The following ZNF430 variants were observed in gnomAD, a reference collection of about 807,000 sequenced individuals.
The protein encoded by ZNF430 is zinc finger protein 430.
Under a neutral mutation model 56.7 loss-of-function variants are expected in ZNF430, and 35 were observed. That is an observed-to-expected ratio of 0.62 (90% CI 0.47 to 0.82). The LOEUF is 0.82. Among genes scored for constraint, ZNF430 ranks in the 40% least tolerant of loss-of-function variants. The pLI is 0.00. For missense variants in ZNF430, 574 were observed against 661.0 expected (o/e 0.87, Z 1.44); for synonymous variants, 212 against 224.3 (o/e 0.94, Z 0.49).
At chr19:21,022,681 C>G (rs1967717463) in intron 1 of ZNF430, 108 bp from the exon 2 acceptor site, 1 of 840,728 alleles carries the variant, frequency 1.2e-6, no homozygotes, top group African/African-American at 1.7e-5. Flanking sequence ...CAGTTTTTTT[C>G]TGGTCCTGGG....
At chr19:21,042,013 A>G (rs966588188) in intron 4 of ZNF430, among the ~76,000 whole-genome samples, 11 of 152,206 alleles carry the variant, frequency 7.2e-5, no homozygotes, top group Non-Finnish European at 1.5e-4. Flanking sequence ...TGCCCAGCCC[A>G]TGTGTTCTTA....
chr19:21,051,905 A>G (rs1359839515), intron 4 of ZNF430, among the ~76,000 whole-genome samples: 1 of 152,112 alleles, frequency 6.6e-6, no homozygotes, highest in Non-Finnish European at 1.5e-5. Flanking sequence ...TTTTTTGAAT[A>G]CTTTGGGTAC....
chr19:21,032,393 TAGC>T (rs1568585515), intron 2 of ZNF430, among the ~76,000 whole-genome samples: 3 of 152,316 alleles, frequency 2.0e-5, no homozygotes, highest in East Asian at 1.9e-4. Context: ...GGCAATATCT[TAGC>T]AGTGATGCCG....
Position 21,059,506 on chromosome 19 carries a change from G to A in ZNF430, c.*1485G>A, listed in dbSNP as rs1398766531. 7.2e-6 allele frequency: 1 copy of A among 138,972 alleles called. No individual in the cohort carries two copies. Among genetic ancestry groups the A allele is most frequent in the Non-Finnish European group, 1.5e-5 (1 of 66,236 alleles). 8.6% of individuals were successfully genotyped at this position (138,972 alleles called of 1,614,324 possible). A position where few individuals can be genotyped will look rare whatever the true frequency, so the allele number is the denominator to read the frequency against. On this transcript the variant is annotated 3_prime_UTR_variant, in exon 5 of 5. Transcript: ENST00000261560. ...TGCAGTGAACTGAAATTGCGCCATT[G>A]CACTCCAGCCTGGGCAACAAGAGTG...
intron 4 of ZNF430, among the ~76,000 whole-genome samples, chr19:21,042,919 T>A (rs1968131634): frequency 6.6e-6 from 1 of 152,192 alleles, no homozygotes; most frequent in African/African-American, 2.4e-5. Flanking sequence ...GCCACATAAA[T>A]TTATTCTTTT....
At position 21,057,876 on chromosome 19, in the gene ZNF430, G is replaced by A. The variant is rs1405817177; in HGVS notation, c.1568G>A (p.Ser523Asn). 1.9e-6 allele frequency: 3 copies of A among 1,612,940 alleles called. No individual in the cohort carries two copies. Among genetic ancestry groups the A allele is most frequent in the Non-Finnish European group, 2.5e-6 (3 of 1,179,630 alleles). Residue 523 changes from serine (S) to asparagine (N), a missense_variant, in exon 5 of 5, where the codon AGC becomes AAC. Ser to Asn is a conservative substitution (Grantham distance 46). Transcript: ENST00000261560. ...TACCTAGAATGTGATAAAGCCTTTAGCCAGTCTTCAACTCTTACTAAACAT... is the reference window on the plus strand; with the variant it reads ...TACCTAGAATGTGATAAAGCCTTTAACCAGTCTTCAACTCTTACTAAACAT... ...YKYLECDKAF[S>N]QSSTLTKHKV... is the part of the protein sequence containing the mutation.
intron 2 of ZNF430, among the ~76,000 whole-genome samples, chr19:21,026,369 A>G (rs1226666704): frequency 6.6e-6 from 1 of 151,714 alleles, no homozygotes; most frequent in South Asian, 2.1e-4. Context: ...TTGTATTTTT[A>G]GTAGAGATGG....
intron 4 of ZNF430, among the ~76,000 whole-genome samples, chr19:21,044,830 T>C (rs1183029802): frequency 6.6e-6 from 1 of 152,226 alleles, no homozygotes; most frequent in Non-Finnish European, 1.5e-5. Context: ...TGTCCAGTAA[T>C]TTATCTACTT....
chr19:21,040,683 G>A (rs888899642), intron 4 of ZNF430, among the ~76,000 whole-genome samples: 1 of 152,044 alleles, frequency 6.6e-6, no homozygotes, highest in Non-Finnish European at 1.5e-5. Context: ...CTATAATGTT[G>A]TCTGTTTTCT....
At chr19:21,044,146 C>T (rs2358795) in intron 4 of ZNF430, among the ~76,000 whole-genome samples, 104,622 of 151,454 alleles carry the variant, frequency 0.69, 40,059 homozygotes, top group East Asian at 0.87. Flanking sequence ...GAGAGAGGGC[C>T]TTCTTGTTGT....
At chr19:21,033,873 C>T (rs990273183) in intron 3 of ZNF430, among the ~76,000 whole-genome samples, 3 of 151,928 alleles carry the variant, frequency 2.0e-5, no homozygotes, top group Admixed American at 6.6e-5. Context: ...ATCTATTTGC[C>T]GCCACCAATT....
intron 4 of ZNF430, among the ~76,000 whole-genome samples, chr19:21,038,059 A>G (rs1026738438): frequency 6.6e-6 from 1 of 152,128 alleles, no homozygotes; most frequent in Admixed American, 6.5e-5. Context: ...ATTTTGAAGT[A>G]TAGCATAGTT....
At chr19:21,047,343 C>T (rs1968200050) in intron 4 of ZNF430, among the ~76,000 whole-genome samples, 1 of 152,170 alleles carries the variant, frequency 6.6e-6, no homozygotes, top group African/African-American at 2.4e-5. Context: ...GTCAATTTAT[C>T]CACCTTAGCC....
At chr19:21,042,839 T>C (rs1215329798) in intron 4 of ZNF430, among the ~76,000 whole-genome samples, 2 of 151,996 alleles carry the variant, frequency 1.3e-5, no homozygotes, top group Non-Finnish European at 2.9e-5. Context: ...TGGCATAAGA[T>C]GGTATGTAAT....
intron 2 of ZNF430, 37 bp from the exon 3 acceptor site, chr19:21,033,411 CCACTTGGT>C: frequency 6.4e-7 from 1 of 1,572,244 alleles, no homozygotes; most frequent in South Asian, 1.2e-5. Flanking sequence ...CTGCCCGTGG[CCACTTGGT>C]AAATATACGT....
rs144510193 is a variant in ZNF430 at position 21,058,383 on chromosome 19, G to A, written c.*362G>A. The stretch of plus-strand genomic sequence containing the variant: ...TGCTTGAACCCGGGAGGCAGAGGTT[G>A]AAGTGAGCTGAGATCGCGCCATTGC... On this transcript the variant is annotated 3_prime_UTR_variant, in exon 5 of 5. Coordinates refer to ENST00000261560, the MANE Select transcript of ZNF430 (RefSeq NM_025189.4). 103 of 189,154 alleles carry A rather than the reference G, an allele frequency of 5.4e-4. No homozygotes were observed. Among genetic ancestry groups the A allele is most frequent in the African/African-American group, 2.4e-3 (101 of 42,188 alleles). The allele number at this position is 189,154 out of a possible 1,614,324, so 11.7% of individuals were successfully genotyped here. A position where few individuals can be genotyped will look rare whatever the true frequency, so the allele number is the denominator to read the frequency against.
intron 4 of ZNF430, among the ~76,000 whole-genome samples, chr19:21,052,800 C>G (rs1207439995): frequency 6.6e-6 from 1 of 152,134 alleles, no homozygotes; most frequent in Non-Finnish European, 1.5e-5. Flanking sequence ...ACAAACTCAC[C>G]TATCCAAACC....
chr19:21,049,758 C>A (rs1299040536), intron 4 of ZNF430, among the ~76,000 whole-genome samples: 1 of 88,854 alleles, frequency 1.1e-5, no homozygotes, highest in African/African-American at 3.9e-5. Flanking sequence ...ATAGTGAACA[C>A]CCTGAAATTT....
In ZNF430 at chr19:21,026,827, C is replaced by CTTTTTTTTTTTTTTTTTTT. The variant is rs747809260; in HGVS notation, c.96+3951_96+3969dup. On this transcript the variant is annotated intron_variant, in intron 2 of 4. Transcript: ENST00000261560. ...TTGGATGCCTTTTTTCTTTTCTTTT[C>CTTTTTTTTTTTTTTTTTTT]TTTTTTTTTTTTTTTTTTTTTTTGA... Among the ~76,000 whole-genome samples, 84 of 68,736 alleles carry CTTTTTTTTTTTTTTTTTTT rather than the reference C, an allele frequency of 1.2e-3. 2 individuals are homozygous for CTTTTTTTTTTTTTTTTTTT. The highest frequency in any genetic ancestry group is 2.4e-3 in the African/African-American group (43 of 17,866). 45.1% of individuals were successfully genotyped at this position (68,736 alleles called of 152,430 possible).
Sources: gnomAD v4.1 joint callset for allele counts (sites outside exome capture counted in the v4.1 genomes callset) on GRCh38, gnomAD v4.1.1 for gene constraint, MANE v1.5 for transcripts, NCBI Gene and HGNC (gene_info 2026-07-23, HGNC 2026-07-21) for gene names.